The following LLGL2 variants were observed in gnomAD, a reference collection of about 807,000 sequenced individuals.
LLGL2 encodes the protein LLGL scribble cell polarity complex component 2, also known as LLGL2, scribble cell polarity complex component.
A neutral mutation model predicts 123.2 loss-of-function variants in LLGL2; 81 were observed. The observed-to-expected ratio is 0.66, with a 90% CI of 0.55 to 0.79. LLGL2 has a LOEUF of 0.79. Among genes scored for constraint, LLGL2 ranks in the 30% least tolerant of loss-of-function variants. LLGL2 has a pLI of 0.00. For missense variants in LLGL2, 1,273 were observed against 1,414.6 expected (o/e 0.90, Z 1.61); for synonymous variants, 577 against 594.1 (o/e 0.97, Z 0.42).
intron 21 of LLGL2, 79 bp from the exon 22 acceptor site, chr17:75,573,873 T>C: frequency 2.7e-6 from 4 of 1,494,118 alleles, no homozygotes; most frequent in Non-Finnish European, 3.6e-6. Flanking sequence ...GCCATTGACT[T>C]GTTCTTCATG....
In LLGL2 at chr17:75,564,348, G is replaced by A; in HGVS notation, c.882-5G>A. On this transcript the variant is annotated splice_polypyrimidine_tract_variant and splice_region_variant and intron_variant, in intron 9 of 25. Transcript: ENST00000392550. The surrounding 1 kb of genome is among the most constrained non-coding windows in gnomAD (Gnocchi z 4.9). ...AGCCCACTGCCGCTCCTCTGTGCCT[G>A]CCAGGTTGCCCTTCACCATCTTCCA... 6.2e-7 allele frequency: 1 copy of A among 1,605,170 alleles called. No homozygotes were observed. Among genetic ancestry groups the A allele is most frequent in the Non-Finnish European group, 8.5e-7 (1 of 1,177,228 alleles).
At position 75,549,394 on chromosome 17, in the gene LLGL2, C is replaced by T. The variant is rs941891290; in HGVS notation, c.75+5893C>T. 6.6e-6 allele frequency among the ~76,000 whole-genome samples: 1 copy of T among 152,230 alleles called. No homozygotes were observed. The highest frequency in any genetic ancestry group is 1.5e-5 in the Non-Finnish European group (1 of 68,032). On this transcript the variant is annotated intron_variant, in intron 2 of 25. Transcript: ENST00000392550. This position sits in a 1 kb window ranked among gnomAD's most constrained non-coding sequence, Gnocchi z 4.0. ...AGCCACACCCATCAGGGCAAACAGG[C>T]TGCTGTGCTTGCCCGGCTGCCGCAG...
intron 20 of LLGL2, 80 bp from the exon 21 acceptor site, chr17:75,573,401 A>G (rs942081692): frequency 5.2e-5 from 82 of 1,565,202 alleles, no homozygotes; most frequent in Non-Finnish European, 7.1e-5. Flanking sequence ...GCGAGGGAGC[A>G]CTAGCCCCTA....
At chr17:75,550,583 G>A (rs568369190) in intron 2 of LLGL2, among the ~76,000 whole-genome samples, 3 of 152,110 alleles carry the variant, frequency 2.0e-5, no homozygotes, top group Admixed American at 1.3e-4. Context: ...CCAGGAGTTC[G>A]AGACCAGCCT....
At chr17:75,557,208 A>G (rs753167036) in intron 3 of LLGL2, among the ~76,000 whole-genome samples, 4 of 151,984 alleles carry the variant, frequency 2.6e-5, no homozygotes, top group Non-Finnish European at 2.9e-5. Context: ...ACCTATCTCG[A>G]TAAGAATCAG....
chr17:75,558,203 C>T lies in LLGL2; in HGVS notation c.222C>T (p.Asn74=), dbSNP rs35940109. Residue 74 remains asparagine (N), a synonymous_variant, in exon 4 of 26, where the codon AAC becomes AAT. Transcript: ENST00000392550. This position sits in a 1 kb window ranked among gnomAD's most constrained non-coding sequence, Gnocchi z 4.0. ...TCATGGGGCTGCACCAGGAGAACAA[C>T]GCTGTGACGCAGATCCACCTCCTGC... is the stretch of plus-strand genomic sequence containing the variant. ...VEFMGLHQEN[N]AVTQIHLLPG... 0.013 allele frequency: 20,733 copies of T among 1,613,548 alleles called. 213 individuals are homozygous for T. Among genetic ancestry groups the T allele is most frequent in the Non-Finnish European group, 0.013 (15,762 of 1,179,918 alleles).
At chr17:75,540,095 G>A (rs908362407) in intron 1 of LLGL2, among the ~76,000 whole-genome samples, 18 of 152,188 alleles carry the variant, frequency 1.2e-4, no homozygotes, top group Admixed American at 9.2e-4. Context: ...GTGGCTTGGG[G>A]GAGCTATGCG....
At chr17:75,565,925 A>G (rs1280707946) in intron 10 of LLGL2, among the ~76,000 whole-genome samples, 1 of 152,198 alleles carries the variant, frequency 6.6e-6, no homozygotes, top group Non-Finnish European at 1.5e-5. Context: ...CCCTGTTCCC[A>G]TGGAACTTAG....
intron 1 of LLGL2, among the ~76,000 whole-genome samples, chr17:75,538,107 A>T (rs886435206): frequency 1.3e-5 from 2 of 152,164 alleles, no homozygotes; most frequent in African/African-American, 4.8e-5. Flanking sequence ...CACCTCGCCC[A>T]GCCTGGAAGG....
chr17:75,571,061 G>T lies in LLGL2; in HGVS notation c.2137G>T (p.Val713Phe), dbSNP rs776633119. Reference protein sequence around the residue: ...RSAEDSFTGFVRTLYFADTYL... With the variant: ...RSAEDSFTGFFRTLYFADTYL... ...GGCAGAGGACTCCTTCACAGGCTTC[G>T]TCCGGACCCTGTACTTTGCTGACAC... The change falls in exon 17 of 26, where the codon GTC becomes TTC. Residue 713 changes from valine (V) to phenylalanine (F), a missense_variant. Val to Phe is a conservative substitution (Grantham distance 50). Coordinates refer to ENST00000392550, the MANE Select transcript of LLGL2 (RefSeq NM_001031803.2). 1 of 1,612,850 alleles carries T rather than the reference G, an allele frequency of 6.2e-7. No homozygotes were observed.
intron 2 of LLGL2, among the ~76,000 whole-genome samples, chr17:75,547,866 T>G (rs2054496661): frequency 6.6e-6 from 1 of 151,072 alleles, no homozygotes; most frequent in Non-Finnish European, 1.5e-5. Flanking sequence ...TGTGACCAGG[T>G]TACAGGAAGG....
intron 2 of LLGL2, among the ~76,000 whole-genome samples, chr17:75,547,645 C>G (rs971351200): frequency 6.6e-6 from 1 of 151,958 alleles, no homozygotes; most frequent in East Asian, 1.9e-4. Flanking sequence ...GCCAACATGG[C>G]GAAACCCCAT....
At chr17:75,535,183 C>A (rs2053952958) in intron 1 of LLGL2, among the ~76,000 whole-genome samples, 1 of 152,234 alleles carries the variant, frequency 6.6e-6, no homozygotes, top group Admixed American at 6.5e-5. Context: ...TCCCTGCCCA[C>A]CAGTGCCATC....
Position 75,571,759 on chromosome 17 carries a change from G to A in LLGL2, c.2269G>A (p.Asp757Asn). ...TGTGCCTCCCGCCGAGCGGAGAATG[G>A]ATGAGCCTGTGCGGGCAGAGCAGGG... ...LRVPPAERRM[D>N]EPVRAEQAKE... Residue 757 changes from aspartate to asparagine, a missense_variant, in exon 18 of 26, where the codon GAT becomes AAT. Physicochemically the swap from Asp to Asn is conservative, Grantham distance 23. Coordinates refer to ENST00000392550, the MANE Select transcript of LLGL2 (RefSeq NM_001031803.2). 4 of 1,608,704 alleles carry A rather than the reference G, an allele frequency of 2.5e-6. No individual in the cohort carries two copies. Among genetic ancestry groups the A allele is most frequent in the Non-Finnish European group, 3.4e-6 (4 of 1,179,888 alleles).
rs57482643 is a variant in LLGL2, at chr17:75,550,780, CAAAAAAA to C, written c.76-5248_76-5242del. ...TGGGCAACAGAGTGAGACCCTGTCT[CAAAAAAA>C]AAAAAAAAAAAAAAAAACACACACA... On this transcript the variant is annotated intron_variant, in intron 2 of 25. Transcript: ENST00000392550. Among the ~76,000 whole-genome samples the C allele has an allele frequency of 5.6e-3, 532 of 94,658 alleles. 6 individuals are homozygous for C. The highest frequency in any genetic ancestry group is 0.021 in the African/African-American group (466 of 21,928). 62.1% of individuals were successfully genotyped at this position (94,658 alleles called of 152,430 possible).
chr17:75,561,343 T>G (rs1426092526), intron 6 of LLGL2, among the ~76,000 whole-genome samples: 2 of 152,216 alleles, frequency 1.3e-5, no homozygotes, highest in Admixed American at 1.3e-4. Context: ...TTATTTGCAT[T>G]TATTAAGAAT....
chr17:75,549,724 C>T lies in LLGL2; in HGVS notation c.75+6223C>T, dbSNP rs1410112330. ...GAGGGCCTGGTGCCCACCACTGCCT[C>T]CTTCCCACCCCCTGAGGAGTGCCAG... On this transcript the variant is annotated intron_variant, in intron 2 of 25. Coordinates refer to ENST00000392550, the MANE Select transcript of LLGL2 (RefSeq NM_001031803.2). The surrounding 1 kb of genome is among the most constrained non-coding windows in gnomAD (Gnocchi z 4.0). Among the ~76,000 whole-genome samples, 2 of 152,204 alleles carry T rather than the reference C, an allele frequency of 1.3e-5. No individual in the cohort carries two copies. The highest frequency in any genetic ancestry group is 4.8e-5 in the African/African-American group (2 of 41,452).
intron 10 of LLGL2, chr17:75,568,224 A>G (rs1598623659): frequency 5.7e-6 from 8 of 1,407,492 alleles, no homozygotes; most frequent in Non-Finnish European, 1.8e-6. Flanking sequence ...CCTGGTTGGG[A>G]CCCTGCCTTC....
chr17:75,535,411 T>G (rs2053963110), intron 1 of LLGL2, among the ~76,000 whole-genome samples: 1 of 152,178 alleles, frequency 6.6e-6, no homozygotes, highest in Non-Finnish European at 1.5e-5. Flanking sequence ...CCCTCTCTGG[T>G]TTCGGCTGGG....
Sources: allele counts gnomAD v4.1 joint callset (sites outside exome capture counted in the v4.1 genomes callset), GRCh38; gene constraint gnomAD v4.1.1; non-coding constraint Gnocchi (gnomAD v3.1); transcripts MANE v1.5; gene names NCBI Gene and HGNC (gene_info 2026-07-23, HGNC 2026-07-21).